The following LIAS variants were observed in gnomAD, a reference collection of about 807,000 sequenced individuals.
LIAS encodes the protein lipoic acid synthetase.
In LIAS, 36 loss-of-function variants were observed where a neutral mutation model predicts 49.4. The observed-to-expected ratio is 0.73, with a 90% CI of 0.56 to 0.96. The LOEUF is 0.96. LIAS is among the 40% of genes least tolerant of loss of function. LIAS has a pLI of 0.00. For missense variants in LIAS, 399 were observed against 456.3 expected, an observed-to-expected ratio of 0.87 and a Z score of 1.14; for synonymous variants, 145 against 155.8, an observed-to-expected ratio of 0.93 and a Z score of 0.52.
At chr4:39,464,755 A>G (rs1216275425) in intron 4 of LIAS, among the ~76,000 whole-genome samples, 4 of 152,222 alleles carry the variant, frequency 2.6e-5, no homozygotes, top group African/African-American at 9.7e-5. Flanking sequence ...CTGGGATTAC[A>G]GGAGCAAGCC....
At chr4:39,461,417 G>C (rs946647341) in intron 2 of LIAS, among the ~76,000 whole-genome samples, 3 of 152,172 alleles carry the variant, frequency 2.0e-5, no homozygotes, top group African/African-American at 4.8e-5. Context: ...ACAAGTGGAT[G>C]GAAGTCATGG....
chr4:39,465,677 T>TC (rs1744728824), intron 6 of LIAS, among the ~76,000 whole-genome samples: 1 of 151,966 alleles, frequency 6.6e-6, no homozygotes, highest in African/African-American at 2.4e-5. Flanking sequence ...GATTTTTTTT[T>TC]TTTTTTGAGA....
intron 9 of LIAS, among the ~76,000 whole-genome samples, chr4:39,472,219 G>T (rs1438187295): frequency 6.6e-6 from 1 of 151,808 alleles, no homozygotes; most frequent in African/African-American, 2.4e-5. Context: ...ATAAGGAAAA[G>T]AAAATATATT....
chr4:39,475,508 A>T (rs1217755280), intron 10 of LIAS: 3 of 152,148 alleles, frequency 2.0e-5, no homozygotes, highest in Admixed American at 2.0e-4. Flanking sequence ...AATTAGACAA[A>T]TTCTATTTGA....
At chr4:39,473,393 T>G in intron 10 of LIAS, 182 bp downstream of exon 10, 1 of 447,032 alleles carries the variant, frequency 2.2e-6, no homozygotes, top group Non-Finnish European at 4.0e-6. Context: ...TAAGAAAAGT[T>G]TCTCTTAATC....
At chr4:39,461,697 T>TTTTG (rs769781118) in intron 2 of LIAS, among the ~76,000 whole-genome samples, 21 of 152,112 alleles carry the variant, frequency 1.4e-4, no homozygotes, top group Non-Finnish European at 2.6e-4. Context: ...GGTGTTTTCT[T>TTTTG]TTTGTTTGTT....
Position 39,459,107 on chromosome 4 carries a change from CT to C in LIAS, c.-10del. The C allele has an allele frequency of 6.2e-7, 1 of 1,614,130 alleles. No individual in the cohort carries two copies. Among genetic ancestry groups the C allele is most frequent in the Non-Finnish European group, 8.5e-7 (1 of 1,180,016 alleles). On this transcript the variant is annotated 5_prime_UTR_variant, in exon 1 of 11. Coordinates refer to ENST00000640888, the MANE Select transcript of LIAS (RefSeq NM_006859.4). ...CCTCAACCCCTGCACTGCGCTAGTC[CT>C]AAAGAGGAAATGTCTCTACGCTGCG...
intron 10 of LIAS, among the ~76,000 whole-genome samples, chr4:39,474,286 A>G (rs1037795226): frequency 2.0e-5 from 3 of 146,656 alleles, no homozygotes; most frequent in Non-Finnish European, 4.5e-5. Flanking sequence ...AAAAAAGAAT[A>G]AATAGGCCAG....
chr4:39,464,448 C>A (rs183866178), intron 4 of LIAS, among the ~76,000 whole-genome samples: 1 of 152,184 alleles, frequency 6.6e-6, no homozygotes, highest in African/African-American at 2.4e-5. Context: ...CTTTGAATAC[C>A]CCTCTGTACC....
At chr4:39,460,451 G>A (rs963929360) in intron 1 of LIAS, among the ~76,000 whole-genome samples, 6 of 148,988 alleles carry the variant, frequency 4.0e-5, no homozygotes, top group Non-Finnish European at 7.4e-5. Flanking sequence ...GGAGAATGGC[G>A]TGAACCCGGG....
At chr4:39,470,240 C>T in intron 8 of LIAS, 76 bp downstream of exon 8, 1 of 1,271,496 alleles carries the variant, frequency 7.9e-7, no homozygotes, top group Non-Finnish European at 1.1e-6. Context: ...TTTGAAGGCC[C>T]TTCTAAGAAC....
At chr4:39,475,443 G>T (rs1193330514) in intron 10 of LIAS, 1 of 151,464 alleles carries the variant, frequency 6.6e-6, no homozygotes, top group Non-Finnish European at 1.5e-5. Flanking sequence ...ATCTAAAGTG[G>T]TGATGTTTTA....
chr4:39,468,517 A>ATTTTT (rs1345576338), intron 7 of LIAS: 2 of 138,368 alleles, frequency 1.4e-5, no homozygotes, highest in South Asian at 2.2e-4. Context: ...ATATATATAT[A>ATTTTT]TATATTTTTT....
At chr4:39,464,604 C>T (rs1475129103) in intron 4 of LIAS, among the ~76,000 whole-genome samples, 2 of 152,084 alleles carry the variant, frequency 1.3e-5, no homozygotes, top group Non-Finnish European at 2.9e-5. Context: ...TCAAGTAATC[C>T]TCCTATCTCA....
chr4:39,460,263 G>T (rs1311470875), intron 1 of LIAS, among the ~76,000 whole-genome samples: 2 of 152,162 alleles, frequency 1.3e-5, no homozygotes, highest in African/African-American at 4.8e-5. Flanking sequence ...CGGGTGCGGT[G>T]GCTTACGCCT....
chr4:39,475,178 G>T (rs911607975), intron 10 of LIAS: 1 of 152,164 alleles, frequency 6.6e-6, no homozygotes, highest in Non-Finnish European at 1.5e-5. Flanking sequence ...CTCCACTCCA[G>T]CCTGGCGAAA....
rs1207007016 is a variant in LIAS at position 39,459,091 on chromosome 4, C to T, written c.-27C>T. The T allele has an allele frequency of 5.0e-6, 8 of 1,614,050 alleles. No homozygotes were observed. The highest frequency in any genetic ancestry group is 5.1e-6 in the Non-Finnish European group (6 of 1,179,886). ...CCGGGAGTTAGCGATCCCTCAACCC[C>T]TGCACTGCGCTAGTCCTAAAGAGGA... is the stretch of plus-strand genomic sequence containing the variant. On this transcript the variant is annotated 5_prime_UTR_variant, in exon 1 of 11. Transcript: ENST00000640888.
At chr4:39,470,622 C>T (rs1399747232) in intron 8 of LIAS, 2 of 158,192 alleles carry the variant, frequency 1.3e-5, no homozygotes, top group Non-Finnish European at 2.8e-5. Flanking sequence ...GAACTTTAGT[C>T]CCGTAAGTCC....
rs1745077816 is a variant in LIAS at position 39,473,794 on chromosome 4, T to C, written c.1066+583T>C. The C allele has an allele frequency of 2.6e-5, 4 of 152,270 alleles. No homozygotes were observed. In the South Asian group the frequency reaches 8.3e-4, roughly 32 times the overall value. The allele number at this position is 152,270 out of a possible 1,614,324, so 9.4% of individuals were successfully genotyped here. A position where few individuals can be genotyped will look rare whatever the true frequency, so the allele number is the denominator to read the frequency against. On this transcript the variant is annotated intron_variant, in intron 10 of 10. Coordinates refer to ENST00000640888, the MANE Select transcript of LIAS (RefSeq NM_006859.4). ...TTTTTTACTTTTGGAATTTCAGCTC[T>C]TATTTTAATCAATAGCTTGAATTGA...
Sources: gnomAD v4.1 joint callset for allele counts (sites outside exome capture counted in the v4.1 genomes callset) on GRCh38, gnomAD v4.1.1 for gene constraint, MANE v1.5 for transcripts, NCBI Gene and HGNC (gene_info 2026-07-23, HGNC 2026-07-21) for gene names.